The following PELI2 variants were observed in gnomAD, a reference collection of about 807,000 sequenced individuals.
PELI2 encodes pellino E3 ubiquitin protein ligase family member 2, also known as E3 ubiquitin-protein ligase pellino homolog 2.
PELI2 carries 23 observed loss-of-function variants against 42.3 expected under a neutral mutation model. The ratio of observed to expected loss-of-function variants is 0.54; its 90% CI spans 0.39 to 0.77. The LOEUF is 0.77. Among genes scored for constraint, PELI2 ranks in the 30% least tolerant of loss-of-function variants. The pLI, the probability that PELI2 is intolerant of heterozygous loss-of-function variation, is 0.00. For missense variants in PELI2, 463 were observed against 553.2 expected, an observed-to-expected ratio of 0.84 and a Z score of 1.64; for synonymous variants, 245 against 212.2, an observed-to-expected ratio of 1.15 and a Z score of -1.34.
intron 1 of PELI2, among the ~76,000 whole-genome samples, chr14:56,123,421 G>A (rs1883135957): frequency 2.0e-5 from 3 of 152,300 alleles, no homozygotes; most frequent in Admixed American, 6.5e-5. Flanking sequence ...AATCTTTACT[G>A]TAGCTCAGCA....
chr14:56,271,978 T>C (rs957121910), intron 2 of PELI2, among the ~76,000 whole-genome samples: 1 of 152,188 alleles, frequency 6.6e-6, no homozygotes, highest in Non-Finnish European at 1.5e-5. Flanking sequence ...CACGTTCAGA[T>C]ATGTGGTGCA....
At chr14:56,162,242 C>G (rs1263061097) in intron 1 of PELI2, among the ~76,000 whole-genome samples, 1 of 151,842 alleles carries the variant, frequency 6.6e-6, no homozygotes, top group Non-Finnish European at 1.5e-5. Context: ...TTTAAATACC[C>G]GTTAACCATC....
chr14:56,200,307 AT>A (rs1014214885), intron 2 of PELI2, among the ~76,000 whole-genome samples: 103 of 152,008 alleles, frequency 6.8e-4, no homozygotes, highest in Non-Finnish European at 1.1e-3. Context: ...CACTTTGCAT[AT>A]TTTTTTTTAC....
intron 2 of PELI2, among the ~76,000 whole-genome samples, chr14:56,232,378 A>G (rs59044782): frequency 2.0e-5 from 3 of 152,150 alleles, no homozygotes; most frequent in Non-Finnish European, 4.4e-5. Context: ...CTGGCAAACC[A>G]AATCCAGCAG....
Position 56,212,744 on chromosome 14 carries a change from T to G in PELI2, c.207+34280T>G, listed in dbSNP as rs1188855159. Among the ~76,000 whole-genome samples, 5 of 152,186 alleles carry G rather than the reference T, an allele frequency of 3.3e-5. No individual in the cohort carries two copies. The East Asian group carries it at 9.6e-4, about 29-fold the overall frequency. On this transcript the variant is annotated intron_variant, in intron 2 of 5. Transcript: ENST00000267460. ...CTCTTCATAACTCTTCAGTCTTCTG[T>G]CAGCAGCTCCTTTCCTACAAGTATC...
intron 2 of PELI2, among the ~76,000 whole-genome samples, chr14:56,209,484 A>T (rs1000316675): frequency 2.6e-5 from 4 of 152,236 alleles, no homozygotes; most frequent in Non-Finnish European, 5.9e-5. Flanking sequence ...ATGTAAAACA[A>T]CATCACTCTT....
At chr14:56,296,282 T>G (rs891691087) in intron 5 of PELI2, among the ~76,000 whole-genome samples, 13 of 152,138 alleles carry the variant, frequency 8.5e-5, no homozygotes, top group African/African-American at 2.9e-4. Context: ...GTTACTGACT[T>G]AAGGAGTTAA....
intron 1 of PELI2, among the ~76,000 whole-genome samples, chr14:56,173,373 T>C (rs1885249944): frequency 1.3e-5 from 2 of 152,198 alleles, no homozygotes; most frequent in African/African-American, 4.8e-5. Flanking sequence ...TCTTGGGTTT[T>C]AGGCATTCAT....
At chr14:56,229,062 C>T (rs1048007547) in intron 2 of PELI2, among the ~76,000 whole-genome samples, 3 of 152,242 alleles carry the variant, frequency 2.0e-5, no homozygotes, top group African/African-American at 7.2e-5. Flanking sequence ...GGGCGTCTGC[C>T]ATTGCTGAGG....
In PELI2 at chr14:56,288,447, C is replaced by A; in HGVS notation, c.320C>A (p.Ser107Ter). ...KDTDMFQVGR[S>*]TESPIDFVVT... ...ATTTGATTTACTTAGGTGGGCAGAT[C>A]AACAGAAAGCCCTATCGACTTCGTT... The change falls in exon 4 of 6, where the codon TCA (serine) becomes TAA (stop). Residue 107 changes from serine (S) to a stop codon, truncating the protein, a stop_gained. Transcript: ENST00000267460. LOFTEE classifies it high-confidence loss of function. The surrounding 1 kb of genome is among the most constrained non-coding windows in gnomAD (Gnocchi z 4.6). 1.2e-6 allele frequency: 2 copies of A among 1,613,554 alleles called. No individual in the cohort carries two copies. The highest frequency in any genetic ancestry group is 2.2e-5 in the South Asian group (2 of 91,006).
chr14:56,294,690 A>T (rs1889941397), intron 5 of PELI2, among the ~76,000 whole-genome samples: 1 of 152,144 alleles, frequency 6.6e-6, no homozygotes, highest in African/African-American at 2.4e-5. Flanking sequence ...CTAGGTGCGG[A>T]TAACATCCCA....
At chr14:56,293,005 GA>G (rs1179263215) in intron 5 of PELI2, 1 of 173,624 alleles carries the variant, frequency 5.8e-6, no homozygotes, top group Non-Finnish European at 1.1e-5. Context: ...AATTTTAGGT[GA>G]AATTATAAAA....
chr14:56,166,843 A>C (rs1174369543), intron 1 of PELI2, among the ~76,000 whole-genome samples: 1 of 151,668 alleles, frequency 6.6e-6, no homozygotes, highest in Non-Finnish European at 1.5e-5. Flanking sequence ...GATGGAGTGC[A>C]GTGGCACGAT....
At chr14:56,211,481 C>G (rs2139728719) in intron 2 of PELI2, among the ~76,000 whole-genome samples, 1 of 152,338 alleles carries the variant, frequency 6.6e-6, no homozygotes, top group Middle Eastern at 3.4e-3. Context: ...CCTCTTTATG[C>G]AGTATCTCAC....
intron 1 of PELI2, among the ~76,000 whole-genome samples, chr14:56,125,782 T>C (rs1190148714): frequency 6.6e-6 from 1 of 152,178 alleles, no homozygotes; most frequent in Non-Finnish European, 1.5e-5. Context: ...CACCAGAGCG[T>C]ATTGCCCCTT....
At chr14:56,203,226 G>A (rs923609301) in intron 2 of PELI2, among the ~76,000 whole-genome samples, 1 of 152,094 alleles carries the variant, frequency 6.6e-6, no homozygotes, top group African/African-American at 2.4e-5. Flanking sequence ...AGTAATCCCA[G>A]CTACTCGGGA....
chr14:56,217,480 G>A lies in PELI2; in HGVS notation c.207+39016G>A, dbSNP rs565380090. Among the ~76,000 whole-genome samples, 27 of 152,340 alleles carry A rather than the reference G, an allele frequency of 1.8e-4. 1 individual carries two copies. In the South Asian group the frequency reaches 4.3e-3, roughly 25 times the overall value. On this transcript the variant is annotated intron_variant, in intron 2 of 5. Transcript: ENST00000267460. ...CCTCTGGCAGTGAGGGGAGGACTGC[G>A]TCCGGCTTGGCCAGGGGTCCACCAG...
chr14:56,215,365 G>GA (rs1419747185), intron 2 of PELI2, among the ~76,000 whole-genome samples: 1 of 152,166 alleles, frequency 6.6e-6, no homozygotes, highest in East Asian at 1.9e-4. Flanking sequence ...TAACACACAG[G>GA]AAAGCCCGCC....
intron 1 of PELI2, among the ~76,000 whole-genome samples, chr14:56,138,098 C>G (rs1474249792): frequency 1.3e-5 from 2 of 152,244 alleles, no homozygotes; most frequent in African/African-American, 4.8e-5. Context: ...CTCTCCCCAG[C>G]CCGCTCTCGC....
Sources: gnomAD v4.1 joint callset for allele counts (sites outside exome capture counted in the v4.1 genomes callset) on GRCh38, gnomAD v4.1.1 for gene constraint, Gnocchi (gnomAD v3.1) non-coding constraint, MANE v1.5 for transcripts, NCBI Gene and HGNC (gene_info 2026-07-23, HGNC 2026-07-21) for gene names.